PXK: variants seen among roughly 807,000 people sequenced by gnomAD.
PXK encodes the protein PX domain-containing protein kinase-like protein.
PXK carries 35 observed loss-of-function variants against 84.7 expected under a neutral mutation model. The observed-to-expected ratio is 0.41, with a 90% confidence interval of 0.32 to 0.55. The LOEUF (loss-of-function observed/expected upper bound fraction) is 0.55, where lower values mean the gene tolerates loss of function less well. Among genes scored for constraint, PXK ranks in the 20% least tolerant of loss-of-function variants. The pLI, the probability that PXK is intolerant of heterozygous loss-of-function variation, is 0.21. For synonymous variants in PXK, 253 were observed against 260.8 expected (o/e 0.97, Z 0.29); for missense variants, 634 against 699.7 (o/e 0.91, Z 1.06).
intron 1 of PXK, among the ~76,000 whole-genome samples, chr3:58,336,038 CATATATATATATATATATATAT>C (rs1168755178): frequency 4.6e-5 from 2 of 43,146 alleles, no homozygotes; most frequent in African/African-American, 1.5e-4. Flanking sequence ...CCTTGGGAAA[CATATATATATATATATATATAT>C]ATATATATAT....
chr3:58,395,692 G>A lies in PXK; in HGVS notation c.755G>A (p.Cys252Tyr). 2.5e-6 allele frequency: 4 copies of A among 1,613,722 alleles called. No homozygotes were observed. Among genetic ancestry groups the A allele is most frequent in the Non-Finnish European group, 3.4e-6 (4 of 1,179,802 alleles). Residue 252 changes from cysteine (C) to tyrosine (Y), a missense_variant, in exon 9 of 18, where the codon TGC (cysteine) becomes TAC (tyrosine). Transcript: ENST00000356151. ...AAAGACCCATTTCTAAAGAAGTACT[G>A]CAACCCTAAGAAGATTCAGGGCCTG... ...KPKDPFLKKY[C>Y]NPKKIQGLEL...
In PXK at chr3:58,383,799, T is replaced by C. The variant is rs2098527424; in HGVS notation, c.388+1099T>C. 6.6e-6 allele frequency among the ~76,000 whole-genome samples: 1 copy of C among 152,240 alleles called. No individual in the cohort carries two copies. Among genetic ancestry groups the C allele is most frequent in the African/African-American group, 2.4e-5 (1 of 41,462 alleles). Reference sequence around the variant, plus strand: ...GACTTTCTAAGTGGAACTATGGATATTGTTACTTTGCTTGCTAAGAGAATA... The same window carrying C: ...GACTTTCTAAGTGGAACTATGGATACTGTTACTTTGCTTGCTAAGAGAATA... On this transcript the variant is annotated intron_variant, in intron 4 of 17. Coordinates refer to ENST00000356151, the MANE Select transcript of PXK (RefSeq NM_017771.5). This position sits in a 1 kb window ranked among gnomAD's most constrained non-coding sequence, Gnocchi z 4.0.
chr3:58,418,101 G>C (rs948748588), intron 17 of PXK, among the ~76,000 whole-genome samples: 1 of 152,200 alleles, frequency 6.6e-6, no homozygotes, highest in Non-Finnish European at 1.5e-5. Flanking sequence ...TTACAGGCAT[G>C]AGCCACCCAC....
chr3:58,345,120 C>A (rs2097792988), intron 1 of PXK, among the ~76,000 whole-genome samples: 1 of 152,126 alleles, frequency 6.6e-6, no homozygotes, highest in Non-Finnish European at 1.5e-5. Context: ...AATATAGCAG[C>A]CACAAAAGCA....
intron 17 of PXK, among the ~76,000 whole-genome samples, chr3:58,423,780 A>C (rs1226082511): frequency 6.7e-6 from 1 of 150,056 alleles, no homozygotes; most frequent in Non-Finnish European, 1.5e-5. Flanking sequence ...GCACAGGAAC[A>C]TTCTTTAAGG....
At chr3:58,423,399 C>CT in intron 17 of PXK, 1 of 1,509,772 alleles carries the variant, frequency 6.6e-7, no homozygotes. Flanking sequence ...GTATTGCTAT[C>CT]TTTGAGCATT....
intron 1 of PXK, among the ~76,000 whole-genome samples, chr3:58,359,918 C>T (rs942806136): frequency 3.3e-5 from 5 of 152,134 alleles, no homozygotes; most frequent in African/African-American, 1.2e-4. Context: ...GAGGCTGAGA[C>T]AGAAGAATTG....
At chr3:58,357,933 C>G (rs1263160981) in intron 1 of PXK, among the ~76,000 whole-genome samples, 1 of 151,620 alleles carries the variant, frequency 6.6e-6, no homozygotes, top group Non-Finnish European at 1.5e-5. Context: ...GCATGTCACT[C>G]CAGCCTGGGT....
rs534557314 is a variant in PXK, at chr3:58,406,948, T to A, written c.1231-1976T>A. ...TTGTATGTATATGCCACACTTTTTT[T>A]ATCCATTCATCTGTTGATGAACATT... On this transcript the variant is annotated intron_variant, in intron 13 of 17. Coordinates refer to ENST00000356151, the MANE Select transcript of PXK (RefSeq NM_017771.5). Among the ~76,000 whole-genome samples the A allele has an allele frequency of 4.3e-4, 66 of 152,368 alleles. No individual in the cohort carries two copies. The South Asian group carries it at 0.013, about 31-fold the overall frequency.
chr3:58,341,746 C>T (rs2097735723), intron 1 of PXK, among the ~76,000 whole-genome samples: 1 of 151,408 alleles, frequency 6.6e-6, no homozygotes, highest in Non-Finnish European at 1.5e-5. Flanking sequence ...CTTTGTTGCC[C>T]AGGCTGGAGT....
intron 4 of PXK, among the ~76,000 whole-genome samples, chr3:58,388,110 A>G (rs2098579152): frequency 6.6e-6 from 1 of 152,208 alleles, no homozygotes; most frequent in Non-Finnish European, 1.5e-5. Context: ...AGTCTGGGGA[A>G]GGAGGGGGTT....
Position 58,401,602 on chromosome 3 carries a change from G to A in PXK, c.1181+2225G>A, listed in dbSNP as rs1006460433. On this transcript the variant is annotated intron_variant, in intron 12 of 17. Coordinates refer to ENST00000356151, the MANE Select transcript of PXK (RefSeq NM_017771.5). This position sits in a 1 kb window ranked among gnomAD's most constrained non-coding sequence, Gnocchi z 4.4. ...GAACTCACCACTGCACTCCAGCCTAGATGACAGAGTAAGACCCTGTCTCAA... is the reference window on the plus strand; with the variant it reads ...GAACTCACCACTGCACTCCAGCCTAAATGACAGAGTAAGACCCTGTCTCAA... 4.6e-5 allele frequency among the ~76,000 whole-genome samples: 7 copies of A among 152,078 alleles called. No homozygotes were observed. Among genetic ancestry groups the A allele is most frequent in the Non-Finnish European group, 7.4e-5 (5 of 68,020 alleles).
At chr3:58,366,752 A>T (rs1309220048) in intron 2 of PXK, among the ~76,000 whole-genome samples, 1 of 152,236 alleles carries the variant, frequency 6.6e-6, no homozygotes, top group African/African-American at 2.4e-5. Flanking sequence ...TTAAGTGTTC[A>T]CTGGTTTAAG....
At chr3:58,391,323 T>C (rs560703223) in intron 6 of PXK, 103 bp downstream of exon 6, 2 of 984,094 alleles carry the variant, frequency 2.0e-6, no homozygotes, top group South Asian at 1.5e-5. Flanking sequence ...TCTTAAGTGA[T>C]GATGTAAAGG....
chr3:58,359,984 C>T (rs2098154038), intron 1 of PXK, among the ~76,000 whole-genome samples: 1 of 152,012 alleles, frequency 6.6e-6, no homozygotes, highest in Non-Finnish European at 1.5e-5. Context: ...CCCGTTTCTA[C>T]AAAAAATTTA....
intron 17 of PXK, chr3:58,422,447 C>T (rs1402727682): frequency 1.0e-6 from 1 of 985,334 alleles, no homozygotes; most frequent in African/African-American, 1.7e-5. Flanking sequence ...ATCCTGCTGC[C>T]TGTCCTTTCG....
chr3:58,345,465 G>A (rs2097797571), intron 1 of PXK, among the ~76,000 whole-genome samples: 1 of 152,172 alleles, frequency 6.6e-6, no homozygotes, highest in Non-Finnish European at 1.5e-5. Flanking sequence ...CTGAGAAACA[G>A]CATCTTCAGA....
chr3:58,360,170 C>G (rs2098158786), intron 1 of PXK, among the ~76,000 whole-genome samples: 1 of 152,094 alleles, frequency 6.6e-6, no homozygotes, highest in Non-Finnish European at 1.5e-5. Flanking sequence ...TCACACTACA[C>G]AAGTCAGTTT....
chr3:58,353,154 G>A (rs1471421334), intron 1 of PXK, among the ~76,000 whole-genome samples: 1 of 151,860 alleles, frequency 6.6e-6, no homozygotes, highest in Non-Finnish European at 1.5e-5. Context: ...CCGCCACCAC[G>A]CCCGGCTAAT....
Sources: gnomAD v4.1 joint callset for allele counts (sites outside exome capture counted in the v4.1 genomes callset) on GRCh38, gnomAD v4.1.1 for gene constraint, Gnocchi (gnomAD v3.1) non-coding constraint, MANE v1.5 for transcripts, NCBI Gene and HGNC (gene_info 2026-07-23, HGNC 2026-07-21) for gene names.